The following TUBGCP5 variants were observed in gnomAD, a reference collection of about 807,000 sequenced individuals.
TUBGCP5 encodes the protein tubulin gamma complex component 5, also known as gamma-tubulin complex component 5.
In TUBGCP5, 98 loss-of-function variants were observed where a neutral mutation model predicts 134.7. The ratio of observed to expected loss-of-function variants is 0.73; its 90% CI spans 0.62 to 0.86. TUBGCP5 has a LOEUF of 0.86. Among genes scored for constraint, TUBGCP5 ranks in the 40% least tolerant of loss-of-function variants. The pLI, the probability that TUBGCP5 is intolerant of heterozygous loss-of-function variation, is 0.00. For synonymous variants in TUBGCP5, 456 were observed against 431.4 expected (o/e 1.06, Z -0.71); for missense variants, 1,150 against 1,244.8 (o/e 0.92, Z 1.15).
At chr15:23,009,922 C>T (rs1436865043) in intron 15 of TUBGCP5, 23 bp downstream of exon 15, 8 of 1,599,444 alleles carry the variant, frequency 5.0e-6, no homozygotes, top group Non-Finnish European at 6.8e-6. Flanking sequence ...TTTACTACTT[C>T]CAAAATTAAA....
chr15:23,024,902 A>AT (rs372317024), intron 8 of TUBGCP5, 72 bp from the exon 9 acceptor site: 36,407 of 710,310 alleles, frequency 0.051, 1 homozygote, highest in East Asian at 0.059. Flanking sequence ...TGCCCAGGAC[A>AT]TTTTTTTTTT....
At chr15:23,009,433 G>GA (rs2064910945) in intron 15 of TUBGCP5, among the ~76,000 whole-genome samples, 1 of 151,704 alleles carries the variant, frequency 6.6e-6, no homozygotes. Flanking sequence ...CACGCCCGGC[G>GA]AATTTTTTGT....
chr15:22,996,277 T>C (rs2064075899), downstream of TUBGCP5, among the ~76,000 whole-genome samples: 1 of 152,140 alleles, frequency 6.6e-6, no homozygotes, highest in Non-Finnish European at 1.5e-5. Flanking sequence ...ATTTTAGCCA[T>C]GCCAGAGGCT....
intron 4 of TUBGCP5, 67 bp downstream of exon 4, chr15:23,032,660 GT>G (rs2066379339): frequency 9.2e-7 from 1 of 1,091,410 alleles, no homozygotes. Flanking sequence ...AAAACTCAGT[GT>G]TTAGCAACTA....
Position 23,019,210 on chromosome 15 carries a change from G to A in TUBGCP5, c.1487+9C>T. ...GCCCCCAGTGACCTTGTGCTCTGCT[G>A]CAGCTCACCTCTGGATGATGAACTC... On this transcript the variant is annotated intron_variant, in intron 12 of 22. Transcript: ENST00000615383. The A allele has an allele frequency of 1.9e-6, 3 of 1,601,398 alleles. No homozygotes were observed. Among genetic ancestry groups the A allele is most frequent in the Non-Finnish European group, 2.6e-6 (3 of 1,169,228 alleles).
intron 21 of TUBGCP5, among the ~76,000 whole-genome samples, chr15:23,002,370 T>C (rs1252402245): frequency 6.6e-6 from 1 of 152,148 alleles, no homozygotes; most frequent in Non-Finnish European, 1.5e-5. Flanking sequence ...TGCACTTTTA[T>C]TTCATGGAAG....
intron 23 of TUBGCP5, among the ~76,000 whole-genome samples, chr15:22,991,131 C>T (rs542329675): frequency 9.2e-5 from 14 of 151,626 alleles, no homozygotes; most frequent in South Asian, 2.1e-4. Context: ...CGGAGTCTCG[C>T]GCGCTCACCA....
intron 23 of TUBGCP5, among the ~76,000 whole-genome samples, chr15:22,983,961 A>G (rs1465354982): frequency 2.0e-5 from 3 of 151,928 alleles, no homozygotes; most frequent in Non-Finnish European, 4.4e-5. Flanking sequence ...CTCTCTACAA[A>G]ATACAAAAAT....
At chr15:23,003,515 T>C (rs1007800023) in intron 20 of TUBGCP5, among the ~76,000 whole-genome samples, 5 of 152,110 alleles carry the variant, frequency 3.3e-5, no homozygotes, top group East Asian at 3.8e-4. Context: ...GCTCCGCAAC[T>C]GCAGACACAA....
intron 23 of TUBGCP5, among the ~76,000 whole-genome samples, chr15:22,991,576 C>T (rs942851083): frequency 1.4e-5 from 2 of 146,128 alleles, no homozygotes; most frequent in African/African-American, 2.6e-5. Flanking sequence ...GTGGCTCACA[C>T]GTGTTGTGGG....
chr15:22,993,542 T>G (rs1050956365), intron 23 of TUBGCP5, among the ~76,000 whole-genome samples: 3 of 137,450 alleles, frequency 2.2e-5, no homozygotes, highest in African/African-American at 8.4e-5. Context: ...TTTTTTTTTT[T>G]TTTTTTTTTT....
intron 9 of TUBGCP5, 72 bp from the exon 10 acceptor site, chr15:23,024,265 T>C (rs1004627786): frequency 7.2e-6 from 11 of 1,535,064 alleles, no homozygotes; most frequent in Non-Finnish European, 8.8e-6. Context: ...TCCCTCTCGC[T>C]GTAAAATACT....
Position 23,013,058 on chromosome 15 carries a change from A to T in TUBGCP5, c.1757-1727T>A, listed in dbSNP as rs964605408. 6.6e-6 allele frequency among the ~76,000 whole-genome samples: 1 copy of T among 151,658 alleles called. No homozygotes were observed. Among genetic ancestry groups the T allele is most frequent in the African/African-American group, 2.4e-5 (1 of 41,250 alleles). ...GCAGAAGTTGCAGTGAGCCGAGATC[A>T]TGCCACTGCACTCCAGTCGCCAGCA... is the stretch of plus-strand genomic sequence containing the variant. On this transcript the variant is annotated intron_variant, in intron 13 of 22. Coordinates refer to ENST00000615383, the MANE Select transcript of TUBGCP5 (RefSeq NM_052903.6). The surrounding 1 kb of genome is among the most constrained non-coding windows in gnomAD (Gnocchi z 4.5).
intron 7 of TUBGCP5, 81 bp from the exon 8 acceptor site, chr15:23,026,286 A>T: frequency 8.0e-7 from 1 of 1,256,026 alleles, no homozygotes; most frequent in Non-Finnish European, 1.2e-6. Context: ...TCTGCAATTT[A>T]GTGCTAACTT....
At chr15:22,995,005 A>G (rs900677608), downstream of TUBGCP5, among the ~76,000 whole-genome samples, 5 of 152,122 alleles carry the variant, frequency 3.3e-5, no homozygotes, top group Admixed American at 6.5e-5. Flanking sequence ...TCACTTTGGG[A>G]GGCCCAGGTG....
intron 23 of TUBGCP5, among the ~76,000 whole-genome samples, chr15:22,984,166 A>C (rs2063613257): frequency 6.6e-6 from 1 of 152,228 alleles, no homozygotes; most frequent in Non-Finnish European, 1.5e-5. Context: ...TAACCATTTA[A>C]AGCCTCTGGA....
downstream of TUBGCP5, among the ~76,000 whole-genome samples, chr15:22,995,589 A>AC (rs558957666): frequency 1.3e-5 from 2 of 151,052 alleles, no homozygotes; most frequent in African/African-American, 2.4e-5. Context: ...AAAAAAAAAA[A>AC]CAAAACAAAA....
intron 21 of TUBGCP5, among the ~76,000 whole-genome samples, chr15:23,001,777 C>T (rs912563447): frequency 8.5e-5 from 13 of 152,068 alleles, no homozygotes; most frequent in African/African-American, 3.1e-4. Context: ...ACAGCCCCAC[C>T]ACAATATTCA....
chr15:22,994,931 T>C (rs778876004), downstream of TUBGCP5, among the ~76,000 whole-genome samples: 3 of 151,906 alleles, frequency 2.0e-5, no homozygotes, highest in Non-Finnish European at 4.4e-5. Flanking sequence ...CTGGGCAACA[T>C]AGCGAGACCC....
Sources: gnomAD v4.1 joint callset for allele counts (sites outside exome capture counted in the v4.1 genomes callset) on GRCh38, gnomAD v4.1.1 for gene constraint, Gnocchi (gnomAD v3.1) non-coding constraint, MANE v1.5 for transcripts, NCBI Gene and HGNC (gene_info 2026-07-23, HGNC 2026-07-21) for gene names.